PSG1: variants seen among roughly 807,000 people sequenced by gnomAD.
PSG1 encodes the protein pregnancy-specific beta-1-glycoprotein 1.
A neutral mutation model predicts 41.4 loss-of-function variants in PSG1; 60 were observed. The observed-to-expected ratio is 1.45, with a 90% CI of 1.18 to 1.80. PSG1 has a LOEUF of 1.80. Ranked by LOEUF, PSG1 falls within the 40% of genes most tolerant of loss-of-function variation. The probability of loss-of-function intolerance (pLI) is 0.00; values close to 1 mark genes in which losing one functional copy is unlikely to be tolerated. For missense variants in PSG1, 806 were observed against 516.9 expected (o/e 1.56, Z -5.42); for synonymous variants, 256 against 192.9 (o/e 1.33, Z -2.71).
intron 4 of PSG1, 109 bp from the exon 5 acceptor site, chr19:42,868,464 C>G: frequency 2.7e-6 from 4 of 1,476,676 alleles, no homozygotes; most frequent in South Asian, 1.4e-5. Flanking sequence ...ACCCTCAAGT[C>G]CCAGCCCAAC....
chr19:42,869,140 C>G lies in PSG1; in HGVS notation c.710-106G>C. 1.3e-6 allele frequency: 2 copies of G among 1,549,660 alleles called. 1 individual carries two copies. The stretch of plus-strand genomic sequence containing the variant: ...CTCCCACCTCTCATTCCACCCGAGT[C>G]CTTGAAAGCCAATAGCTGGTGCTTT... On this transcript the variant is annotated intron_variant, in intron 3 of 5. Transcript: ENST00000436291.
At chr19:42,875,829 T>C (rs1194262898) in intron 2 of PSG1, among the ~76,000 whole-genome samples, 1 of 148,618 alleles carries the variant, frequency 6.7e-6, no homozygotes, top group Admixed American at 6.7e-5. Flanking sequence ...TATTTGTTTT[T>C]TTTTTTTTTT....
Position 42,868,096 on chromosome 19 carries a change from C to A in PSG1, c.1243+5G>T, listed in dbSNP as rs1971209700. The A allele has an allele frequency of 6.2e-7, 1 of 1,612,220 alleles. No individual in the cohort carries two copies. Among genetic ancestry groups the A allele is most frequent in the African/African-American group, 1.3e-5 (1 of 74,682 alleles). On this transcript the variant is annotated splice_donor_5th_base_variant and intron_variant, in intron 5 of 5. Coordinates refer to ENST00000436291, the MANE Select transcript of PSG1 (RefSeq NM_001184825.2). ...CTATTGCCAACGATGCTGGGATCCACTTACCAGAGACTTCGACTGTCATGG... is the reference window on the plus strand; with the variant it reads ...CTATTGCCAACGATGCTGGGATCCAATTACCAGAGACTTCGACTGTCATGG...
At chr19:42,867,829 A>C (rs1971196984) in intron 5 of PSG1, 10 of 1,312,170 alleles carry the variant, frequency 7.6e-6, no homozygotes, top group South Asian at 1.4e-5. Flanking sequence ...AATAAAAATC[A>C]TAAAAACATT....
chr19:42,869,113 A>C (rs955342735), intron 3 of PSG1, 79 bp from the exon 4 acceptor site: 1 of 1,577,856 alleles, frequency 6.3e-7, no homozygotes, highest in Non-Finnish European at 8.6e-7. Flanking sequence ...CAGAGTTGGC[A>C]TCTCCCACCT....
chr19:42,871,268 CAG>C (rs1310466917), intron 3 of PSG1, among the ~76,000 whole-genome samples: 2 of 151,612 alleles, frequency 1.3e-5, no homozygotes, highest in Non-Finnish European at 2.9e-5. Context: ...AATGCTCTGC[CAG>C]TGGATGGAGT....
chr19:42,866,874 G>T lies in PSG1; in HGVS notation c.*260C>A. 1 of 646,430 alleles carries T rather than the reference G, an allele frequency of 1.5e-6. No homozygotes were observed. The highest frequency in any genetic ancestry group is 2.8e-6 in the Non-Finnish European group (1 of 355,228). 40.0% of individuals were successfully genotyped at this position (646,430 alleles called of 1,614,324 possible). A position where few individuals can be genotyped will look rare whatever the true frequency, so the allele number is the denominator to read the frequency against. ...GGGGAGAGCCTCATCATGATGGGGA[G>T]TCTTGTTCTGACATCTTGGGAAAAA... On this transcript the variant is annotated 3_prime_UTR_variant, in exon 6 of 6. Transcript: ENST00000436291.
intron 1 of PSG1, 61 bp downstream of exon 1, chr19:42,879,457 A>G: frequency 6.3e-7 from 1 of 1,592,932 alleles, no homozygotes; most frequent in East Asian, 2.3e-5. Flanking sequence ...CCTCTCCAGG[A>G]GACCCCATCC....
At position 42,866,800 on chromosome 19, in the gene PSG1, T is replaced by G. The variant is rs1322869325; in HGVS notation, c.*334A>C. 1.9e-5 allele frequency: 11 copies of G among 569,098 alleles called. 1 individual carries two copies. Among genetic ancestry groups the G allele is most frequent in the Middle Eastern group, 4.7e-4 (1 of 2,126 alleles). The allele number at this position is 569,098 out of a possible 1,614,324, so 35.3% of individuals were successfully genotyped here. A position where few individuals can be genotyped will look rare whatever the true frequency, so the allele number is the denominator to read the frequency against. ...TACATGTGAAATTCTAATGACTGCA[T>G]TATCCTGCCAAGTGAAAGAGGCAGG... On this transcript the variant is annotated 3_prime_UTR_variant, in exon 6 of 6. Coordinates refer to ENST00000436291, the MANE Select transcript of PSG1 (RefSeq NM_001184825.2).
Position 42,868,300 on chromosome 19 carries a change from T to A in PSG1, c.1044A>T (p.Glu348Asp), listed in dbSNP as rs544937275. Residue 348 changes from glutamate (E) to aspartate (D), a missense_variant, in exon 5 of 6, where the codon GAA becomes GAT. Coordinates refer to ENST00000436291, the MANE Select transcript of PSG1 (RefSeq NM_001184825.2). ...CCGCAGAACAGGACAAGTAGAGGAC[T>A]TCTCCTGAACGGTAATAGGTGAATG... ...YPSFTYYRSG[E>D]VLYLSCSADS... The A allele has an allele frequency of 1.2e-6, 2 of 1,612,174 alleles. No homozygotes were observed. The highest frequency in any genetic ancestry group is 8.5e-7 in the Non-Finnish European group (1 of 1,179,012).
chr19:42,876,061 C>T (rs1331283119), intron 2 of PSG1, among the ~76,000 whole-genome samples: 6 of 151,266 alleles, frequency 4.0e-5, no homozygotes, highest in Non-Finnish European at 8.8e-5. Flanking sequence ...TTTCCTCTTT[C>T]CTGGGAGGTG....
chr19:42,872,073 C>G (rs776822711), intron 2 of PSG1, 28 bp from the exon 3 acceptor site: 1 of 1,595,234 alleles, frequency 6.3e-7, no homozygotes, highest in East Asian at 2.2e-5. Flanking sequence ...TGAAGATTGC[C>G]GTGTGTGGCG....
At chr19:42,867,423 A>C (rs1375700563) in intron 5 of PSG1, 2 of 576,806 alleles carry the variant, frequency 3.5e-6, no homozygotes, top group Non-Finnish European at 6.1e-6. Flanking sequence ...AAGGAATCTG[A>C]GATTAAATCT....
In PSG1 at chr19:42,868,844, G is replaced by A. The variant is rs1971255744; in HGVS notation, c.900C>T (p.Val300=). 6.2e-7 allele frequency: 1 copy of A among 1,611,342 alleles called. No homozygotes were observed. Among genetic ancestry groups the A allele is most frequent in the Admixed American group, 1.7e-5 (1 of 59,840 alleles). Residue 300 remains valine (V), a synonymous_variant, in exon 4 of 6, where the codon GTC becomes GTT. Transcript: ENST00000436291. ...IENRILILPS[V]TRNETGPYQC... The stretch of plus-strand genomic sequence containing the variant: ...GATAGGGTCCTGTTTCATTTCTCGT[G>A]ACACTGGGTAGAATGAGGATCCTGT...
intron 2 of PSG1, among the ~76,000 whole-genome samples, chr19:42,876,548 G>A (rs1371369522): frequency 6.6e-6 from 1 of 151,374 alleles, no homozygotes; most frequent in African/African-American, 2.4e-5. Context: ...TGTCATGTGA[G>A]AGCTCCTGAG....
At chr19:42,875,609 G>T (rs4803550) in intron 2 of PSG1, among the ~76,000 whole-genome samples, 2 of 151,236 alleles carry the variant, frequency 1.3e-5, no homozygotes, top group African/African-American at 4.9e-5. Flanking sequence ...ATGTCCCCCT[G>T]CCCCCATGAT....
At chr19:42,874,749 C>A (rs1971534852) in intron 2 of PSG1, among the ~76,000 whole-genome samples, 1 of 151,520 alleles carries the variant, frequency 6.6e-6, no homozygotes, top group African/African-American at 2.4e-5. Flanking sequence ...TGTCAGGAAG[C>A]TAGAACTCTC....
In PSG1 at chr19:42,870,663, A is replaced by T. The variant is rs546945086; in HGVS notation, c.709+1104T>A. The T allele has an allele frequency of 3.1e-4, 47 of 151,726 alleles. 2 individuals are homozygous for T. The highest frequency in any genetic ancestry group is 1.1e-3 in the African/African-American group (45 of 41,382). 9.4% of individuals were successfully genotyped at this position (151,726 alleles called of 1,614,324 possible). The stretch of plus-strand genomic sequence containing the variant: ...AATGTTACTGTGATTCTGGTAGGGG[A>T]TGCATTGAATCTGCAACTCATTTTG... On this transcript the variant is annotated intron_variant, in intron 3 of 5. Coordinates refer to ENST00000436291, the MANE Select transcript of PSG1 (RefSeq NM_001184825.2).
At chr19:42,873,317 A>G (rs1039418663) in intron 2 of PSG1, among the ~76,000 whole-genome samples, 8 of 151,730 alleles carry the variant, frequency 5.3e-5, no homozygotes, top group African/African-American at 9.7e-5. Context: ...AAAATCCACA[A>G]TGCGCCAGTG....
Sources: gnomAD v4.1 joint callset for allele counts (sites outside exome capture counted in the v4.1 genomes callset) on GRCh38, gnomAD v4.1.1 for gene constraint, MANE v1.5 for transcripts, NCBI Gene and HGNC (gene_info 2026-07-23, HGNC 2026-07-21) for gene names.